FKBP5: variants seen among roughly 807,000 people sequenced by gnomAD.
FKBP5 encodes the protein peptidyl-prolyl cis-trans isomerase FKBP5.
FKBP5 carries 23 observed loss-of-function variants against 50.5 expected under a neutral mutation model. That is an observed-to-expected ratio of 0.46 (90% CI 0.33 to 0.65). FKBP5 has a LOEUF of 0.65. FKBP5 is among the 30% of genes least tolerant of loss of function. The pLI, the probability that FKBP5 is intolerant of heterozygous loss-of-function variation, is 0.02. For synonymous variants in FKBP5, 176 were observed against 190.6 expected (o/e 0.92, Z 0.63); for missense variants, 411 against 553.1 (o/e 0.74, Z 2.58).
chr6:35,597,488 AT>A (rs1763012966), intron 5 of FKBP5, 84 bp from the exon 6 acceptor site: 1 of 1,429,564 alleles, frequency 7.0e-7, no homozygotes, highest in Middle Eastern at 2.1e-4. Context: ...GTGGTCGACA[AT>A]GTAGCAAATA....
intron 8 of FKBP5, chr6:35,580,832 C>T: frequency 1.0e-6 from 1 of 984,724 alleles, no homozygotes; most frequent in Non-Finnish European, 1.2e-6. Context: ...TGAGCCACCA[C>T]ACCTGGCCTA....
rs150326986 is a variant in FKBP5, at chr6:35,591,832, T to C, written c.666-612A>G. Among the ~76,000 whole-genome samples, 430 of 152,322 alleles carry C rather than the reference T, an allele frequency of 2.8e-3. 2 individuals are homozygous for C. The highest frequency in any genetic ancestry group is 3.3e-3 in the Non-Finnish European group (223 of 68,034). ...AATAACATAATGATATACTCAAAAA[T>C]AGCTGCCCTAGCAAGTTCTGACACC... On this transcript the variant is annotated intron_variant, in intron 6 of 10. Coordinates refer to ENST00000357266, the MANE Select transcript of FKBP5 (RefSeq NM_004117.4).
At chr6:35,633,155 G>C (rs1764209932) in intron 3 of FKBP5, among the ~76,000 whole-genome samples, 1 of 152,008 alleles carries the variant, frequency 6.6e-6, no homozygotes, top group Non-Finnish European at 1.5e-5. Context: ...ACAATATAAG[G>C]GATCAATGGA....
At chr6:35,704,685 G>C (rs1430728900) in intron 2 of FKBP5, among the ~76,000 whole-genome samples, 1 of 147,894 alleles carries the variant, frequency 6.8e-6, no homozygotes, top group Non-Finnish European at 1.5e-5. Context: ...AATACTTACT[G>C]TTTGCAATCC....
chr6:35,658,806 T>C (rs1765028784), intron 1 of FKBP5, among the ~76,000 whole-genome samples: 1 of 84,372 alleles, frequency 1.2e-5, no homozygotes, highest in African/African-American at 3.7e-5. Context: ...TGTGGTGGCT[T>C]ACACTTGTAA....
chr6:35,693,206 A>C (rs1189526452), upstream of FKBP5, among the ~76,000 whole-genome samples: 3 of 117,454 alleles, frequency 2.6e-5, no homozygotes, highest in African/African-American at 1.0e-4. Flanking sequence ...TCTGTTGCCC[A>C]GGCTGGAGTG....
rs11967924 is a variant in FKBP5 at position 35,583,196 on chromosome 6, T to C, written c.841-2975A>G. ...TGAGATGAGATAGGAAGGACAGGCA[T>C]TTCCCCTGTCATGCCTCATTTCTTC... On this transcript the variant is annotated intron_variant, in intron 8 of 10. Transcript: ENST00000357266. The C allele has an allele frequency of 7.9e-5, 78 of 985,300 alleles. No homozygotes were observed. The African/African-American group carries it at 1.3e-3, about 17-fold the overall frequency. The allele number at this position is 985,300 out of a possible 1,614,324, so 61.0% of individuals were successfully genotyped here.
At chr6:35,670,392 G>A (rs1344056806) in intron 1 of FKBP5, among the ~76,000 whole-genome samples, 2 of 152,050 alleles carry the variant, frequency 1.3e-5, no homozygotes, top group Non-Finnish European at 2.9e-5. Context: ...AACAAAATTG[G>A]TCTGGCAAAG....
intron 10 of FKBP5, among the ~76,000 whole-genome samples, chr6:35,576,591 C>T (rs1762222497): frequency 1.3e-5 from 2 of 150,792 alleles, no homozygotes; most frequent in Non-Finnish European, 2.9e-5. Flanking sequence ...ATCACTTGAT[C>T]CAGAGAAGTC....
At chr6:35,677,661 AT>A (rs1334498941) in intron 1 of FKBP5, among the ~76,000 whole-genome samples, 24 of 152,110 alleles carry the variant, frequency 1.6e-4, no homozygotes, top group Non-Finnish European at 3.1e-4. Context: ...AGCCACCACT[AT>A]TCACCAGGTT....
At chr6:35,655,776 C>A (rs1334536693) in intron 1 of FKBP5, among the ~76,000 whole-genome samples, 1 of 152,132 alleles carries the variant, frequency 6.6e-6, no homozygotes, top group Non-Finnish European at 1.5e-5. Context: ...TTACACTGTA[C>A]CTGAGCGTTT....
intron 1 of FKBP5, among the ~76,000 whole-genome samples, chr6:35,685,214 C>A (rs773783121): frequency 6.6e-6 from 1 of 152,200 alleles, no homozygotes; most frequent in Non-Finnish European, 1.5e-5. Context: ...CCTGCTAGTA[C>A]ATATGGCCCC....
chr6:35,615,647 G>C (rs557973132), intron 5 of FKBP5, among the ~76,000 whole-genome samples: 2 of 152,248 alleles, frequency 1.3e-5, no homozygotes, highest in Non-Finnish European at 2.9e-5. Flanking sequence ...AATTAATGTA[G>C]AGAGAATAAC....
chr6:35,724,640 C>T (rs1020744616), intron 1 of FKBP5, among the ~76,000 whole-genome samples: 3 of 151,682 alleles, frequency 2.0e-5, no homozygotes, highest in Non-Finnish European at 2.9e-5. Context: ...CTACTTGGGA[C>T]GTTTACTCAG....
rs577908833 is a variant in FKBP5 at position 35,711,592 on chromosome 6, T to C, written c.-20+8736A>G. Among the ~76,000 whole-genome samples the C allele has an allele frequency of 3.3e-5, 5 of 151,156 alleles. No homozygotes were observed. The East Asian group carries it at 7.8e-4, about 24-fold the overall frequency. On this transcript the variant is annotated intron_variant, in intron 2 of 11. Coordinates refer to the FKBP5 transcript ENST00000536438. ...GAGGCCGTGCCACTGTGCTCCAGCC[T>C]GGGCAACAGAGCAAGACTCCACTTC...
At chr6:35,711,434 A>G (rs1766410573) in intron 2 of FKBP5, among the ~76,000 whole-genome samples, 1 of 152,168 alleles carries the variant, frequency 6.6e-6, no homozygotes, top group Admixed American at 6.6e-5. Flanking sequence ...CCTGGCCAAC[A>G]TGGTGAAACC....
chr6:35,584,553 G>A (rs1401259640), intron 8 of FKBP5: 1 of 985,500 alleles, frequency 1.0e-6, no homozygotes, highest in Non-Finnish European at 1.2e-6. Flanking sequence ...CCTGCCCTGA[G>A]TTGGGAAGGG....
chr6:35,640,170 A>G (rs1209015735), intron 2 of FKBP5, among the ~76,000 whole-genome samples: 1 of 152,204 alleles, frequency 6.6e-6, no homozygotes, highest in Non-Finnish European at 1.5e-5. Context: ...TTCTTAGATG[A>G]TTTCATCCTT....
chr6:35,637,289 T>C (rs1366283600), intron 2 of FKBP5, 131 bp from the exon 3 acceptor site: 1 of 746,736 alleles, frequency 1.3e-6, no homozygotes, highest in Middle Eastern at 2.5e-4. Context: ...TTCTTTCTAA[T>C]GCCTCCCTTC....
Sources: gnomAD v4.1 joint callset for allele counts (sites outside exome capture counted in the v4.1 genomes callset) on GRCh38, gnomAD v4.1.1 for gene constraint, MANE v1.5 for transcripts, NCBI Gene and HGNC (gene_info 2026-07-23, HGNC 2026-07-21) for gene names.